ROR1: variants seen among roughly 807,000 people sequenced by gnomAD.
ROR1 encodes ROR family WNT receptor 1.
Under a neutral mutation model 78.8 loss-of-function variants are expected in ROR1, and 19 were observed. That is an observed-to-expected ratio of 0.24 (90% CI 0.17 to 0.35). The LOEUF (loss-of-function observed/expected upper bound fraction) is 0.35. Among genes scored for constraint, ROR1 ranks in the 10% least tolerant of loss-of-function variants. The pLI, the probability that ROR1 is intolerant of heterozygous loss-of-function variation, is 1.00. For synonymous variants in ROR1, 386 were observed against 433.6 expected, an observed-to-expected ratio of 0.89 and a Z score of 1.36; for missense variants, 917 against 1,177.8, an observed-to-expected ratio of 0.78 and a Z score of 3.24.
chr1:63,859,525 A>G (rs558932387), intron 1 of ROR1, among the ~76,000 whole-genome samples: 22 of 152,248 alleles, frequency 1.4e-4, no homozygotes, highest in Non-Finnish European at 1.3e-4. Flanking sequence ...TTAATCATTC[A>G]TGCAATAAGC....
chr1:64,041,190 A>C (rs559659569), intron 2 of ROR1, among the ~76,000 whole-genome samples: 1 of 152,150 alleles, frequency 6.6e-6, no homozygotes, highest in Admixed American at 6.5e-5. Context: ...GGAAAATCCT[A>C]TGTATATATA....
rs187065065 is a variant in ROR1 at position 64,077,009 on chromosome 1, C to A, written c.482+26293C>A. 1.8e-3 allele frequency among the ~76,000 whole-genome samples: 268 copies of A among 152,196 alleles called. 1 individual carries two copies. The highest frequency in any genetic ancestry group is 3.1e-3 in the Admixed American group (47 of 15,276). On this transcript the variant is annotated intron_variant, in intron 4 of 8. Coordinates refer to ENST00000371079, the MANE Select transcript of ROR1 (RefSeq NM_005012.4). ...GTCTAAAATAAGGTATTTAAACTAC[C>A]TGAGCCTCAGTTTCCTCATATAGAA...
intron 1 of ROR1, among the ~76,000 whole-genome samples, chr1:63,788,562 T>G (rs1644705763): frequency 6.6e-6 from 1 of 151,838 alleles, no homozygotes; most frequent in Admixed American, 6.6e-5. Context: ...TTGGAATTAC[T>G]GGGAGGGTTT....
intron 1 of ROR1, among the ~76,000 whole-genome samples, chr1:63,851,277 C>T (rs1018602455): frequency 1.3e-5 from 2 of 152,152 alleles, no homozygotes; most frequent in African/African-American, 4.8e-5. Context: ...TGCGCCCGGC[C>T]GCTTTTTGGG....
intron 4 of ROR1, among the ~76,000 whole-genome samples, chr1:64,068,783 G>A (rs1646978330): frequency 6.6e-6 from 1 of 152,046 alleles, no homozygotes; most frequent in South Asian, 2.1e-4. Flanking sequence ...AGATGTAGGA[G>A]ATTATAAAGT....
chr1:63,939,908 G>T (rs1214736372), intron 1 of ROR1, among the ~76,000 whole-genome samples: 1 of 152,162 alleles, frequency 6.6e-6, no homozygotes, highest in African/African-American at 2.4e-5. Context: ...TACTTTCTCA[G>T]TTACCAAGGA....
intron 4 of ROR1, among the ~76,000 whole-genome samples, chr1:64,058,597 G>GTTTTTT (rs36125066): frequency 8.7e-4 from 129 of 147,478 alleles, no homozygotes; most frequent in African/African-American, 2.8e-3. Context: ...ATCGTGGTGG[G>GTTTTTT]TTTTTTTTTG....
At chr1:63,796,040 G>T (rs1249044729) in intron 1 of ROR1, among the ~76,000 whole-genome samples, 3 of 152,168 alleles carry the variant, frequency 2.0e-5, no homozygotes, top group Non-Finnish European at 4.4e-5. Flanking sequence ...GCAACATTCT[G>T]TGCTGGAAAC....
rs374242853 is a variant in ROR1 at position 63,979,491 on chromosome 1, T to G, written c.92-29814T>G. 1.4e-4 allele frequency among the ~76,000 whole-genome samples: 21 copies of G among 152,262 alleles called. No homozygotes were observed. In the East Asian group the frequency reaches 3.7e-3, roughly 27 times the overall value. Reference sequence around the variant, plus strand: ...AGAAGAGGGCCATCCTGCCAGAAGCTGTGGCCATAAAGGAATAGACCTACT... The same window carrying G: ...AGAAGAGGGCCATCCTGCCAGAAGCGGTGGCCATAAAGGAATAGACCTACT... On this transcript the variant is annotated intron_variant, in intron 1 of 8. Coordinates refer to ENST00000371079, the MANE Select transcript of ROR1 (RefSeq NM_005012.4).
intron 4 of ROR1, among the ~76,000 whole-genome samples, chr1:64,099,887 C>A (rs1174049434): frequency 6.6e-6 from 1 of 152,074 alleles, no homozygotes; most frequent in Non-Finnish European, 1.5e-5. Flanking sequence ...AAACCCATCT[C>A]TACTAAAAAA....
intron 4 of ROR1, among the ~76,000 whole-genome samples, chr1:64,082,377 A>G (rs889349674): frequency 6.6e-6 from 1 of 152,244 alleles, no homozygotes; most frequent in Non-Finnish European, 1.5e-5. Context: ...GAAAAGCCAA[A>G]TATTACTTAA....
chr1:64,163,079 A>G (rs1166867733), intron 8 of ROR1, among the ~76,000 whole-genome samples: 1 of 152,080 alleles, frequency 6.6e-6, no homozygotes, highest in Non-Finnish European at 1.5e-5. Context: ...AGGCAGACAG[A>G]GAGGTTAAAA....
chr1:63,863,182 T>C (rs1188863754), intron 1 of ROR1, among the ~76,000 whole-genome samples: 2 of 152,200 alleles, frequency 1.3e-5, no homozygotes, highest in East Asian at 1.9e-4. Context: ...CTATCTCTTC[T>C]TTCTTGAGTT....
intron 1 of ROR1, among the ~76,000 whole-genome samples, chr1:63,994,683 C>T (rs567301726): frequency 6.6e-6 from 1 of 152,324 alleles, no homozygotes; most frequent in Non-Finnish European, 1.5e-5. Flanking sequence ...CATTGCTTCT[C>T]TCTCCCAAGT....
intron 1 of ROR1, among the ~76,000 whole-genome samples, chr1:63,951,332 A>G (rs1645933594): frequency 6.6e-6 from 1 of 151,930 alleles, no homozygotes; most frequent in Admixed American, 6.5e-5. Context: ...GGCACCCTAC[A>G]CTGTTGCACC....
At chr1:63,966,066 T>C (rs1646072602) in intron 1 of ROR1, among the ~76,000 whole-genome samples, 1 of 152,234 alleles carries the variant, frequency 6.6e-6, no homozygotes, top group Non-Finnish European at 1.5e-5. Flanking sequence ...GTGTAGTGCC[T>C]GACACAGGGC....
intron 1 of ROR1, among the ~76,000 whole-genome samples, chr1:63,996,036 T>G (rs185440788): frequency 7.0e-4 from 107 of 152,298 alleles, no homozygotes; most frequent in Non-Finnish European, 1.2e-3. Flanking sequence ...ATAGGGAGCA[T>G]GCAGCTATCA....
chr1:63,778,036 A>G (rs1644628086), intron 1 of ROR1, among the ~76,000 whole-genome samples: 1 of 152,216 alleles, frequency 6.6e-6, no homozygotes, highest in South Asian at 2.1e-4. Flanking sequence ...GCAGAACTTG[A>G]CAGTAAAGCT....
At chr1:64,133,897 A>T (rs906320010) in intron 4 of ROR1, among the ~76,000 whole-genome samples, 2 of 152,242 alleles carry the variant, frequency 1.3e-5, no homozygotes, top group African/African-American at 4.8e-5. Flanking sequence ...CTGGAGGAGC[A>T]TTTGTTCCCC....
Sources: gnomAD v4.1 joint callset for allele counts (sites outside exome capture counted in the v4.1 genomes callset) on GRCh38, gnomAD v4.1.1 for gene constraint, MANE v1.5 for transcripts, NCBI Gene and HGNC (gene_info 2026-07-23, HGNC 2026-07-21) for gene names.